Variants in HNRNPM observed in about 807,000 individuals in gnomAD.
HNRNPM encodes CEA receptor.
HNRNPM carries 11 observed loss-of-function variants against 73.1 expected under a neutral mutation model. That is an observed-to-expected ratio of 0.15 (90% CI 0.09 to 0.25). The LOEUF (loss-of-function observed/expected upper bound fraction) is 0.25, where lower values mean the gene tolerates loss of function less well. Ranked by LOEUF, HNRNPM falls within the 10% of genes least tolerant of loss-of-function variation. HNRNPM has a pLI of 1.00. For synonymous variants in HNRNPM, 407 were observed against 355.2 expected, an observed-to-expected ratio of 1.15 and a Z score of -1.64; for missense variants, 789 against 1,067.9, an observed-to-expected ratio of 0.74 and a Z score of 3.64.
chr19:8,473,481 A>G (rs1480776440), intron 10 of HNRNPM, among the ~76,000 whole-genome samples, 183 bp from the exon 11 acceptor site: 1 of 151,808 alleles, frequency 6.6e-6, no homozygotes. Context: ...AAATAGCTAT[A>G]TGATATTTGA....
In HNRNPM at chr19:8,488,682, C is replaced by T. The variant is rs191380866; in HGVS notation, c.2030-9C>T. 1,574 of 1,606,334 alleles carry T rather than the reference C, an allele frequency of 9.8e-4. 3 individuals are homozygous for T. Among genetic ancestry groups the T allele is most frequent in the Non-Finnish European group, 1.2e-3 (1,464 of 1,175,176 alleles). ...CTGAGTGTCGTCTCTTCTTCCCTCC[C>T]TGTCCTAGGCCACGTGCTGTACGCC... On this transcript the variant is annotated splice_polypyrimidine_tract_variant and intron_variant, in intron 15 of 15. Transcript: ENST00000325495.
At chr19:8,474,292 T>G (rs1599819542) in intron 12 of HNRNPM, 48 bp downstream of exon 12, 2 of 1,404,024 alleles carry the variant, frequency 1.4e-6, no homozygotes, top group Non-Finnish European at 1.9e-6. Context: ...TTGCCGGCTG[T>G]TGCCTCTCAG....
intron 2 of HNRNPM, among the ~76,000 whole-genome samples, chr19:8,461,298 A>C (rs958894982): frequency 2.0e-5 from 3 of 152,206 alleles, no homozygotes; most frequent in Non-Finnish European, 4.4e-5. Flanking sequence ...TTTTTCATTA[A>C]AAATTTTTCT....
At chr19:8,445,559 G>A (rs1024461897) in intron 1 of HNRNPM, 2 of 154,296 alleles carry the variant, frequency 1.3e-5, no homozygotes, top group Admixed American at 6.5e-5. Context: ...GCGCCCGGGA[G>A]GCCTCGCGCG....
At chr19:8,451,407 A>G (rs1968613927) in intron 1 of HNRNPM, among the ~76,000 whole-genome samples, 3 of 152,154 alleles carry the variant, frequency 2.0e-5, no homozygotes, top group Non-Finnish European at 2.9e-5. Flanking sequence ...TGGACTAGAG[A>G]AGAATCTTCC....
In HNRNPM at chr19:8,485,658, C is replaced by T. The variant is rs1971226165; in HGVS notation, c.1230C>T (p.Arg410=). The T allele has an allele frequency of 1.9e-6, 3 of 1,607,996 alleles. No individual in the cohort carries two copies. The highest frequency in any genetic ancestry group is 2.5e-6 in the Non-Finnish European group (3 of 1,179,500). ...GIERMGPGID[R]LGGAGMERMG... Reference sequence around the variant, plus strand: ...AGAGGATGGGTCCTGGCATTGACCGCCTCGGGGGTGCCGGCATGGAGCGCA... The same window carrying T: ...AGAGGATGGGTCCTGGCATTGACCGTCTCGGGGGTGCCGGCATGGAGCGCA... Residue 410 remains arginine, a synonymous_variant, in exon 14 of 16, where the codon CGC becomes CGT. Coordinates refer to ENST00000325495, the MANE Select transcript of HNRNPM (RefSeq NM_005968.5).
At position 8,468,928 on chromosome 19, in the gene HNRNPM, G is replaced by T. The variant is rs962307026; in HGVS notation, c.895+94G>T. On this transcript the variant is annotated intron_variant, in intron 9 of 15. Coordinates refer to ENST00000325495, the MANE Select transcript of HNRNPM (RefSeq NM_005968.5). ...ATGGTTTCACTTGAACCTGTGCCAGGTTAGCCCTCAGTTCTCTTGGCCAGT... is the reference window on the plus strand; with the variant it reads ...ATGGTTTCACTTGAACCTGTGCCAGTTTAGCCCTCAGTTCTCTTGGCCAGT... The T allele has an allele frequency of 4.9e-6, 5 of 1,016,662 alleles. No homozygotes were observed. In the African/African-American group the frequency reaches 6.3e-5, roughly 13 times the overall value. 63.0% of individuals were successfully genotyped at this position (1,016,662 alleles called of 1,614,324 possible). A position where few individuals can be genotyped will look rare whatever the true frequency, so the allele number is the denominator to read the frequency against.
Position 8,446,280 on chromosome 19 carries a change from A to G in HNRNPM, c.113+1169A>G, listed in dbSNP as rs11882122. Among the ~76,000 whole-genome samples the G allele has an allele frequency of 1.4e-3, 210 of 152,316 alleles. 1 individual carries two copies. Among genetic ancestry groups the G allele is most frequent in the African/African-American group, 4.9e-3 (205 of 41,572 alleles). ...AGAACTTTTTCATCATCGGAAACAG[A>G]AAGTGTAGCTATTAAATACTAACTC... On this transcript the variant is annotated intron_variant, in intron 1 of 15. Coordinates refer to ENST00000325495, the MANE Select transcript of HNRNPM (RefSeq NM_005968.5).
rs761942881 is a variant in HNRNPM at position 8,486,012 on chromosome 19, C to G, written c.1584C>G (p.Ser528Arg). 1 of 1,606,584 alleles carries G rather than the reference C, an allele frequency of 6.2e-7. No individual in the cohort carries two copies. ...MGPAIERMGL[S>R]MERMVPAGMG... ...CTGCCATCGAGCGCATGGGCCTGAGCATGGAGCGCATGGTGCCCGCAGGTA... is the reference window on the plus strand; with the variant it reads ...CTGCCATCGAGCGCATGGGCCTGAGGATGGAGCGCATGGTGCCCGCAGGTA... The change falls in exon 14 of 16, where the codon AGC (serine) becomes AGG (arginine). Residue 528 changes from serine to arginine, a missense_variant. This residue lies in a region of HNRNPM where 604 missense variants were observed against 744.0 expected (regional missense o/e 0.81). Coordinates refer to ENST00000325495, the MANE Select transcript of HNRNPM (RefSeq NM_005968.5).
At chr19:8,469,233 A>G (rs1969967117) in intron 9 of HNRNPM, among the ~76,000 whole-genome samples, 1 of 152,200 alleles carries the variant, frequency 6.6e-6, no homozygotes, top group South Asian at 2.1e-4. Context: ...TTGCAGCAGG[A>G]TGAAAGACAC....
chr19:8,450,417 T>C (rs562452449), intron 1 of HNRNPM, among the ~76,000 whole-genome samples: 148 of 152,224 alleles, frequency 9.7e-4, no homozygotes, highest in African/African-American at 3.5e-3. Flanking sequence ...TATTAGGGTT[T>C]TTTTGTTTTT....
intron 2 of HNRNPM, among the ~76,000 whole-genome samples, chr19:8,461,668 A>G (rs1353531059): frequency 1.3e-5 from 2 of 152,026 alleles, no homozygotes; most frequent in South Asian, 2.1e-4. Flanking sequence ...GATTAGAATC[A>G]TATGAGTCTG....
chr19:8,482,835 G>A (rs1289417675), intron 12 of HNRNPM: 3 of 218,264 alleles, frequency 1.4e-5, no homozygotes, highest in Admixed American at 6.0e-5. Context: ...GCCGCTGAGC[G>A]AGACCCGATG....
chr19:8,471,569 T>C, intron 10 of HNRNPM, 142 bp downstream of exon 10: 1 of 453,430 alleles, frequency 2.2e-6, no homozygotes, highest in Non-Finnish European at 4.0e-6. Flanking sequence ...CTGCCTCATT[T>C]TGAATAAAGG....
chr19:8,447,432 TAGAA>T lies in HNRNPM; in HGVS notation c.113+2326_113+2329del, dbSNP rs139231777. 3.2e-4 allele frequency among the ~76,000 whole-genome samples: 48 copies of T among 152,084 alleles called. 1 individual carries two copies. The highest frequency in any genetic ancestry group is 1.2e-3 in the African/African-American group (48 of 41,482). On this transcript the variant is annotated intron_variant, in intron 1 of 15. Coordinates refer to ENST00000325495, the MANE Select transcript of HNRNPM (RefSeq NM_005968.5). ...GATAGAAGTTAGTGGAGTTGCTTGG[TAGAA>T]AGAATGGAGGAGGTGACCTCCGCCA...
chr19:8,468,889 C>A, intron 9 of HNRNPM, 55 bp downstream of exon 9: 2 of 1,353,302 alleles, frequency 1.5e-6, no homozygotes, highest in Non-Finnish European at 2.1e-6. Flanking sequence ...CACTAATAAA[C>A]AGAAAATTAC....
intron 8 of HNRNPM, 142 bp from the exon 9 acceptor site, chr19:8,468,632 C>CT: frequency 1.5e-6 from 1 of 648,942 alleles, no homozygotes; most frequent in Non-Finnish European, 2.8e-6. Context: ...CTCCGCATGC[C>CT]TTTCTACCCT....
intron 1 of HNRNPM, chr19:8,445,579 C>T (rs979866201): frequency 2.0e-5 from 3 of 153,458 alleles, no homozygotes; most frequent in Non-Finnish European, 2.9e-5. Flanking sequence ...GCAGTCAGCC[C>T]GAGTCAACGG....
In HNRNPM at chr19:8,445,025, G is replaced by A. The variant is rs755434980; in HGVS notation, c.27G>A (p.Ala9=). The A allele has an allele frequency of 8.4e-6, 12 of 1,423,976 alleles. No individual in the cohort carries two copies. The highest frequency in any genetic ancestry group is 1.1e-5 in the Non-Finnish European group (12 of 1,091,940). 88.2% of individuals were successfully genotyped at this position (1,423,976 alleles called of 1,614,324 possible). The change falls in exon 1 of 16, where the codon GCG becomes GCA. Residue 9 remains alanine (A), a synonymous_variant. Coordinates refer to ENST00000325495, the MANE Select transcript of HNRNPM (RefSeq NM_005968.5). ...TGGCGGCAGGGGTCGAAGCGGCGGCGGAGGTGGCGGCGACGGAGATCAAAA... is the reference window on the plus strand; with the variant it reads ...TGGCGGCAGGGGTCGAAGCGGCGGCAGAGGTGGCGGCGACGGAGATCAAAA... MAAGVEAA[A]EVAATEIKME... is the part of the protein sequence containing the mutation.
Sources: allele counts gnomAD v4.1 joint callset (sites outside exome capture counted in the v4.1 genomes callset), GRCh38; gene constraint gnomAD v4.1.1; regional missense constraint gnomAD v4.1.1; transcripts MANE v1.5; gene names NCBI Gene and HGNC (gene_info 2026-07-23, HGNC 2026-07-21).